SNX29: variants seen among roughly 807,000 people sequenced by gnomAD.
The protein encoded by SNX29 is sorting nexin 29.
Under a neutral mutation model 102.1 loss-of-function variants are expected in SNX29, and 78 were observed. That is an observed-to-expected ratio of 0.76 (90% CI 0.64 to 0.92). The LOEUF (loss-of-function observed/expected upper bound fraction) is 0.92, where lower values mean the gene tolerates loss of function less well. SNX29 is among the 40% of genes least tolerant of loss of function. The pLI is 0.00. For synonymous variants in SNX29, 580 were observed against 414.5 expected (o/e 1.40, Z -4.85); for missense variants, 1,280 against 1,061.7 (o/e 1.21, Z -2.86).
At chr16:12,194,934 A>G (rs976783282) in intron 13 of SNX29, among the ~76,000 whole-genome samples, 5 of 152,118 alleles carry the variant, frequency 3.3e-5, no homozygotes, top group Non-Finnish European at 5.9e-5. Context: ...GCCTGGGGGT[A>G]TTTCTAACCT....
intron 13 of SNX29, among the ~76,000 whole-genome samples, chr16:12,136,208 T>C (rs908859245): frequency 2.6e-5 from 4 of 152,348 alleles, no homozygotes; most frequent in African/African-American, 7.2e-5. Context: ...TCTGGTTCTT[T>C]AACTATTTAG....
At chr16:12,180,633 G>A (rs1007934176) in intron 13 of SNX29, among the ~76,000 whole-genome samples, 1 of 152,022 alleles carries the variant, frequency 6.6e-6, no homozygotes, top group Admixed American at 6.5e-5. Context: ...ACAGGCGCCC[G>A]CCACCACGTC....
In SNX29 at chr16:12,251,169, G is replaced by C. The variant is rs557720505; in HGVS notation, c.1679-26764G>C. On this transcript the variant is annotated intron_variant, in intron 14 of 20. Coordinates refer to ENST00000566228, the MANE Select transcript of SNX29 (RefSeq NM_032167.5). Reference sequence around the variant, plus strand: ...TGCTGGCTTCCTGTCCTTGAGCAAAGTGCTTGTAAAGTCTGTGCCTCACTT... The same window carrying C: ...TGCTGGCTTCCTGTCCTTGAGCAAACTGCTTGTAAAGTCTGTGCCTCACTT... Among the ~76,000 whole-genome samples the C allele has an allele frequency of 5.1e-4, 78 of 152,350 alleles. 1 individual carries two copies. In the South Asian group the frequency reaches 0.011, roughly 22 times the overall value.
chr16:12,523,136 C>T (rs1260326840), intron 19 of SNX29, among the ~76,000 whole-genome samples: 1 of 152,120 alleles, frequency 6.6e-6, no homozygotes, highest in African/African-American at 2.4e-5. Context: ...TCACCGGGGA[C>T]CAGGGCACGT....
intron 13 of SNX29, among the ~76,000 whole-genome samples, chr16:12,130,366 G>A (rs539559389): frequency 1.3e-5 from 2 of 150,342 alleles, no homozygotes; most frequent in Admixed American, 1.3e-4. Flanking sequence ...TCCCAGCTAC[G>A]CGGGAGGCTG....
At chr16:12,473,259 G>A (rs1043723786) in intron 18 of SNX29, among the ~76,000 whole-genome samples, 1 of 152,208 alleles carries the variant, frequency 6.6e-6, no homozygotes, top group Non-Finnish European at 1.5e-5. Flanking sequence ...AAGCACTGTT[G>A]TTGTGGATCA....
intron 15 of SNX29, among the ~76,000 whole-genome samples, chr16:12,347,914 CAA>C (rs386384275): frequency 0.018 from 2,221 of 121,102 alleles, 51 homozygotes; most frequent in African/African-American, 0.066. Flanking sequence ...CCTGTCTTTA[CAA>C]AAAAAAAAAA....
chr16:12,295,557 CCT>C lies in SNX29; in HGVS notation c.1782+17522_1782+17523del, dbSNP rs753545667. Among the ~76,000 whole-genome samples, 59 of 152,218 alleles carry C rather than the reference CCT, an allele frequency of 3.9e-4. 1 individual carries two copies. The highest frequency in any genetic ancestry group is 1.3e-3 in the African/African-American group (54 of 41,520). On this transcript the variant is annotated intron_variant, in intron 15 of 20. Transcript: ENST00000566228. The stretch of plus-strand genomic sequence containing the variant: ...CGGTGGAGCAGAGAGCTGAATATAC[CCT>C]GTTTCCTCGGGCTTCCTTGGAGTGA...
At chr16:12,487,554 A>G (rs2088309482) in intron 19 of SNX29, among the ~76,000 whole-genome samples, 1 of 152,116 alleles carries the variant, frequency 6.6e-6, no homozygotes. Context: ...ATGCCGCCGC[A>G]CCACCCAGCC....
At chr16:12,394,361 C>T (rs1038011738) in intron 16 of SNX29, among the ~76,000 whole-genome samples, 1 of 152,204 alleles carries the variant, frequency 6.6e-6, no homozygotes, top group Admixed American at 6.5e-5. Flanking sequence ...GTTAGAAGAG[C>T]AGGCTCTGGA....
chr16:12,225,387 G>T (rs2077583160), intron 14 of SNX29, among the ~76,000 whole-genome samples: 1 of 151,990 alleles, frequency 6.6e-6, no homozygotes. Flanking sequence ...TAGAATCATG[G>T]GAGCGGGTCT....
At chr16:12,217,318 C>A (rs1425626764) in intron 14 of SNX29, among the ~76,000 whole-genome samples, 1 of 152,224 alleles carries the variant, frequency 6.6e-6, no homozygotes, top group Non-Finnish European at 1.5e-5. Flanking sequence ...CCATGCCCAG[C>A]CCCCAACACC....
At chr16:12,341,154 G>T (rs2081600276) in intron 15 of SNX29, among the ~76,000 whole-genome samples, 1 of 152,164 alleles carries the variant, frequency 6.6e-6, no homozygotes, top group Non-Finnish European at 1.5e-5. Context: ...ATTGTATTTG[G>T]GGCTTTCACA....
chr16:12,023,576 T>C (rs2057094492), intron 3 of SNX29, among the ~76,000 whole-genome samples: 1 of 131,712 alleles, frequency 7.6e-6, no homozygotes. Context: ...AGACCCTGTC[T>C]CAAAAAAAAA....
intron 14 of SNX29, among the ~76,000 whole-genome samples, chr16:12,272,828 C>A (rs1242823869): frequency 1.3e-5 from 2 of 152,164 alleles, no homozygotes; most frequent in South Asian, 4.1e-4. Flanking sequence ...ATCAACACGC[C>A]TGTTGCCGCT....
At chr16:12,488,084 A>G (rs1356534506) in intron 19 of SNX29, among the ~76,000 whole-genome samples, 1 of 152,196 alleles carries the variant, frequency 6.6e-6, no homozygotes, top group Non-Finnish European at 1.5e-5. Context: ...TATATGTTTA[A>G]TTAGTGTGGT....
intron 1 of SNX29, 182 bp downstream of exon 1, chr16:11,976,995 T>A: frequency 1.4e-6 from 1 of 738,732 alleles, no homozygotes; most frequent in Non-Finnish European, 1.9e-6. Flanking sequence ...CACCTGCGGG[T>A]CTCTGATCTC....
chr16:12,361,779 C>G (rs1483722252), intron 16 of SNX29, among the ~76,000 whole-genome samples: 1 of 151,864 alleles, frequency 6.6e-6, no homozygotes, highest in Non-Finnish European at 1.5e-5. Flanking sequence ...AATTTTTAGA[C>G]TCATGACAAA....
At chr16:12,444,762 C>G (rs73521914) in intron 18 of SNX29, among the ~76,000 whole-genome samples, 5,916 of 152,160 alleles carry the variant, frequency 0.039, 230 homozygotes, top group African/African-American at 0.093. Flanking sequence ...CATCACATCT[C>G]CAGAACCCCT....
Sources: allele counts gnomAD v4.1 joint callset (sites outside exome capture counted in the v4.1 genomes callset), GRCh38; gene constraint gnomAD v4.1.1; transcripts MANE v1.5; gene names NCBI Gene and HGNC (gene_info 2026-07-23, HGNC 2026-07-21).